Variants in ARL15 observed in about 807,000 individuals in gnomAD.
ARL15 encodes ADP-ribosylation factor-like protein 15.
Under a neutral mutation model 25.2 loss-of-function variants are expected in ARL15, and 19 were observed. The ratio of observed to expected loss-of-function variants is 0.75; its 90% CI spans 0.53 to 1.10. The LOEUF is 1.10. Among genes scored for constraint, ARL15 ranks in the 50% least tolerant of loss-of-function variants. The pLI is 0.00. For synonymous variants in ARL15, 94 were observed against 86.8 expected (o/e 1.08, Z -0.46); for missense variants, 220 against 246.0 (o/e 0.89, Z 0.71).
At chr5:54,268,014 T>C (rs886979390) in intron 1 of ARL15, among the ~76,000 whole-genome samples, 1 of 152,002 alleles carries the variant, frequency 6.6e-6, no homozygotes, top group African/African-American at 2.4e-5. Flanking sequence ...AATGTTGGCC[T>C]GCCTTGCTAG....
chr5:53,958,430 A>G (rs1488157008), intron 4 of ARL15, among the ~76,000 whole-genome samples: 3 of 152,194 alleles, frequency 2.0e-5, no homozygotes, highest in Non-Finnish European at 4.4e-5. Context: ...TTAAAAAATC[A>G]CAAAAGGAAA....
At chr5:53,933,795 A>T (rs1002282807) in intron 4 of ARL15, among the ~76,000 whole-genome samples, 2 of 152,138 alleles carry the variant, frequency 1.3e-5, no homozygotes, top group South Asian at 4.1e-4. Context: ...TCAGTTTTAG[A>T]TGATGACGGC....
intron 4 of ARL15, among the ~76,000 whole-genome samples, chr5:54,034,061 C>T (rs374379722): frequency 6.6e-6 from 1 of 152,198 alleles, no homozygotes; most frequent in African/African-American, 2.4e-5. Flanking sequence ...GATCCGCTTG[C>T]CTTGGCCTCC....
At chr5:54,072,930 C>A (rs185428069) in intron 4 of ARL15, among the ~76,000 whole-genome samples, 5 of 152,294 alleles carry the variant, frequency 3.3e-5, no homozygotes, top group Admixed American at 2.6e-4. Flanking sequence ...GATTTTCCCC[C>A]TTGAAATACA....
intron 4 of ARL15, among the ~76,000 whole-genome samples, chr5:54,084,393 T>G (rs900432471): frequency 6.7e-5 from 10 of 149,988 alleles, no homozygotes; most frequent in Middle Eastern, 3.4e-3. Context: ...AGTAGGATAC[T>G]TTTGGGGCCA....
At chr5:54,138,750 A>G (rs764903266) in intron 3 of ARL15, among the ~76,000 whole-genome samples, 40 of 152,186 alleles carry the variant, frequency 2.6e-4, no homozygotes, top group Non-Finnish European at 5.1e-4. Context: ...AGAATGGGAG[A>G]AAAAATCTGC....
In ARL15 at chr5:54,140,360, C is replaced by G. The variant is rs1400673987; in HGVS notation, c.253+14220G>C. ...CCCACTACCAGCTCTGGTTGTACCACCAACTATGATTTTGAAATAAAGGGT... is the reference window on the plus strand; with the variant it reads ...CCCACTACCAGCTCTGGTTGTACCAGCAACTATGATTTTGAAATAAAGGGT... On this transcript the variant is annotated intron_variant, in intron 3 of 4. Transcript: ENST00000504924. Among the ~76,000 whole-genome samples, 3 of 151,424 alleles carry G rather than the reference C, an allele frequency of 2.0e-5. No homozygotes were observed. In the East Asian group the frequency reaches 5.8e-4, roughly 29 times the overall value.
At chr5:53,998,742 A>G (rs1391853374) in intron 4 of ARL15, among the ~76,000 whole-genome samples, 2 of 152,226 alleles carry the variant, frequency 1.3e-5, no homozygotes, top group African/African-American at 4.8e-5. Flanking sequence ...GCTGTGTTCC[A>G]GGCACTGTAC....
At chr5:54,048,384 ATATATAAAT>A (rs1283760220) in intron 4 of ARL15, 1 of 128,594 alleles carries the variant, frequency 7.8e-6, no homozygotes. Context: ...TAAATTATAT[ATATATAAAT>A]TATATATATA....
intron 4 of ARL15, among the ~76,000 whole-genome samples, chr5:54,079,779 G>T (rs1222197348): frequency 6.6e-6 from 1 of 152,086 alleles, no homozygotes; most frequent in Non-Finnish European, 1.5e-5. Context: ...AGACCAGCCT[G>T]GCCAACATGG....
intron 4 of ARL15, among the ~76,000 whole-genome samples, chr5:54,005,080 G>A (rs767786791): frequency 7.0e-4 from 106 of 152,060 alleles, no homozygotes; most frequent in Non-Finnish European, 1.4e-3. Context: ...TCGCACTCCT[G>A]AGCTGAAGTG....
intron 4 of ARL15, among the ~76,000 whole-genome samples, chr5:53,947,629 T>G (rs573111766): frequency 6.6e-6 from 1 of 152,242 alleles, no homozygotes; most frequent in Admixed American, 6.5e-5. Context: ...CTCAACTAAC[T>G]CTACCTCATC....
At chr5:54,055,185 A>C (rs1302728484) in intron 4 of ARL15, among the ~76,000 whole-genome samples, 1 of 152,124 alleles carries the variant, frequency 6.6e-6, no homozygotes, top group Non-Finnish European at 1.5e-5. Context: ...GGCCCTAGGC[A>C]ACCACCAATT....
At chr5:53,983,560 T>C (rs1306149409) in intron 4 of ARL15, among the ~76,000 whole-genome samples, 1 of 152,228 alleles carries the variant, frequency 6.6e-6, no homozygotes, top group East Asian at 1.9e-4. Flanking sequence ...TGTTTCCCTA[T>C]AACTGTTGCA....
intron 1 of ARL15, among the ~76,000 whole-genome samples, chr5:54,296,925 G>T (rs1345115271): frequency 6.6e-6 from 1 of 152,226 alleles, no homozygotes; most frequent in Non-Finnish European, 1.5e-5. Context: ...GGAAAGGCTG[G>T]AGAGGGCAGG....
chr5:54,004,035 GC>G (rs1748938391), intron 4 of ARL15, among the ~76,000 whole-genome samples: 1 of 152,092 alleles, frequency 6.6e-6, no homozygotes, highest in Admixed American at 6.6e-5. Context: ...TCTCACAAAA[GC>G]CTTACTTTTG....
intron 1 of ARL15, among the ~76,000 whole-genome samples, chr5:54,271,046 T>C (rs1393570815): frequency 1.3e-5 from 2 of 152,180 alleles, no homozygotes; most frequent in East Asian, 3.9e-4. Context: ...CCCAGGCCTT[T>C]GGACTCCAAG....
chr5:53,884,232 G>A lies in ARL15; in HGVS notation c.*2329C>T, dbSNP rs1397827879. 6.6e-6 allele frequency: 1 copy of A among 152,156 alleles called. No individual in the cohort carries two copies. The highest frequency in any genetic ancestry group is 1.5e-5 in the Non-Finnish European group (1 of 68,034). The allele number at this position is 152,156 out of a possible 1,614,324, so 9.4% of individuals were successfully genotyped here. On this transcript the variant is annotated 3_prime_UTR_variant, in exon 5 of 5. Transcript: ENST00000504924. ...CTGGAAACGTCCATAAATATTACAA[G>A]AAGCTAGGTGAAGAAATACATAACA... is the stretch of plus-strand genomic sequence containing the variant.
chr5:54,221,778 T>G (rs1469985368), intron 1 of ARL15, among the ~76,000 whole-genome samples: 2 of 147,702 alleles, frequency 1.4e-5, no homozygotes, highest in Non-Finnish European at 3.0e-5. Context: ...CAAAAAAAAG[T>G]CATGGGGGCC....
Sources: gnomAD v4.1 joint callset for allele counts (sites outside exome capture counted in the v4.1 genomes callset) on GRCh38, gnomAD v4.1.1 for gene constraint, MANE v1.5 for transcripts, NCBI Gene and HGNC (gene_info 2026-07-23, HGNC 2026-07-21) for gene names.